PLA2G4E: variants seen among roughly 807,000 people sequenced by gnomAD.
PLA2G4E encodes cytosolic phospholipase A2 epsilon.
A neutral mutation model predicts 109.1 loss-of-function variants in PLA2G4E; 84 were observed. That is an observed-to-expected ratio of 0.77 (90% CI 0.65 to 0.92). The LOEUF (loss-of-function observed/expected upper bound fraction) is 0.92, where lower values mean the gene tolerates loss of function less well. PLA2G4E is among the 40% of genes least tolerant of loss of function. The pLI, the probability that PLA2G4E is intolerant of heterozygous loss-of-function variation, is 0.00. For synonymous variants in PLA2G4E, 469 were observed against 436.1 expected (o/e 1.08, Z -0.94); for missense variants, 1,057 against 1,076.6 (o/e 0.98, Z 0.25).
At chr15:41,981,975 G>C (rs961151609) in exon 20 of PLA2G4E, 1 of 152,194 alleles carries the variant, frequency 6.6e-6, no homozygotes, top group African/African-American at 2.4e-5. Context: ...CACGGGGGGC[G>C]CCTGGGGATG....
chr15:41,985,953 C>T, exon 18 of PLA2G4E: 1 of 1,605,750 alleles, frequency 6.2e-7, no homozygotes, highest in Non-Finnish European at 8.5e-7. Flanking sequence ...CCAGCAGGCA[C>T]AGGTGGTTCG....
intron 1 of PLA2G4E, among the ~76,000 whole-genome samples, 125 bp downstream of exon 1, chr15:42,020,810 A>G (rs1056646033): frequency 1.3e-5 from 2 of 152,110 alleles, no homozygotes; most frequent in African/African-American, 4.8e-5. Context: ...GGGATGTCCA[A>G]TGCCTACCAG....
chr15:41,986,541 A>G (rs1313916266), intron 17 of PLA2G4E, among the ~76,000 whole-genome samples: 1 of 149,912 alleles, frequency 6.7e-6, no homozygotes, highest in Non-Finnish European at 1.5e-5. Flanking sequence ...TTTTTGAGAC[A>G]GGGTCTTGCT....
chr15:42,024,802 C>T (rs2068678891), intron 1 of PLA2G4E, among the ~76,000 whole-genome samples: 3 of 152,230 alleles, frequency 2.0e-5, no homozygotes, highest in Admixed American at 2.0e-4. Context: ...ACTCTGGATT[C>T]CAATACCTTC....
At chr15:42,021,696 G>T (rs554924136) in intron 1 of PLA2G4E, among the ~76,000 whole-genome samples, 2 of 152,252 alleles carry the variant, frequency 1.3e-5, no homozygotes, top group East Asian at 3.9e-4. Context: ...GGATGCACCC[G>T]CCCCGCCCAG....
At chr15:41,985,302 C>A (rs2068122893) in intron 18 of PLA2G4E, among the ~76,000 whole-genome samples, 1 of 152,222 alleles carries the variant, frequency 6.6e-6, no homozygotes. Flanking sequence ...GTGTACACTT[C>A]ACTTCGCCTG....
At chr15:42,043,450 T>A (rs1889352671) in intron 1 of PLA2G4E, among the ~76,000 whole-genome samples, 1 of 150,872 alleles carries the variant, frequency 6.6e-6, no homozygotes, top group Non-Finnish European at 1.5e-5. Context: ...GAAACTCATC[T>A]CGTGGGGCAA....
At chr15:41,988,146 G>A (rs760753487) in exon 16 of PLA2G4E, 2 of 1,596,018 alleles carry the variant, frequency 1.3e-6, no homozygotes, top group Non-Finnish European at 1.7e-6. Context: ...AGAAGATGCT[G>A]CTCCACAGGC....
At chr15:42,006,250 G>T in intron 3 of PLA2G4E, 129 bp from the exon 4 acceptor site, 1 of 1,163,104 alleles carries the variant, frequency 8.6e-7, no homozygotes, top group Non-Finnish European at 1.2e-6. Context: ...AGAAGTCCCT[G>T]CTCAGATGTG....
chr15:42,043,999 C>G (rs1361873993), intron 1 of PLA2G4E, among the ~76,000 whole-genome samples: 2 of 152,118 alleles, frequency 1.3e-5, no homozygotes, highest in African/African-American at 4.8e-5. Context: ...CGCAAAGAAC[C>G]TCAAGGTTGG....
intron 1 of PLA2G4E, among the ~76,000 whole-genome samples, chr15:42,026,487 G>T (rs771004220): frequency 8.5e-5 from 13 of 152,152 alleles, no homozygotes; most frequent in Non-Finnish European, 1.8e-4. Flanking sequence ...ATGAAAATGA[G>T]ATTTTACTAC....
At chr15:41,989,341 A>G in intron 15 of PLA2G4E, 74 bp downstream of exon 15, 1 of 1,583,162 alleles carries the variant, frequency 6.3e-7, no homozygotes, top group East Asian at 2.2e-5. Context: ...GTGTCACATA[A>G]TCAGGGGCCA....
intron 11 of PLA2G4E, among the ~76,000 whole-genome samples, chr15:41,996,378 A>AAAAAAAAAAAAAAAAAAAAAAAAAAT (rs1555385822): frequency 8.1e-6 from 1 of 124,110 alleles, no homozygotes; most frequent in Non-Finnish European, 1.7e-5. Context: ...AAAAAAAAAA[A>AAAAAAAAAAAAAAAAAAAAAAAAAAT]AGGAGGGAGG....
chr15:42,016,640 T>TGG (rs1411399371), intron 1 of PLA2G4E, among the ~76,000 whole-genome samples: 1 of 152,154 alleles, frequency 6.6e-6, no homozygotes, highest in East Asian at 1.9e-4. Flanking sequence ...GCCTGGCCCC[T>TGG]GGGGCTTAAT....
rs1401603772 is a variant in PLA2G4E, at chr15:42,006,328, GC to G, written c.394-208del. On this transcript the variant is annotated intron_variant, in intron 3 of 19. Transcript: ENST00000399518. ...ATTCCCTCCTTTCCAACTCCCTGAA[GC>G]CTTCTTGGCCTTCTGTTCTCACTTT... The G allele has an allele frequency of 1.4e-4, 67 of 464,840 alleles. No individual in the cohort carries two copies. In the East Asian group the frequency reaches 2.3e-3, roughly 16 times the overall value. The allele number at this position is 464,840 out of a possible 1,614,324, so 28.8% of individuals were successfully genotyped here. A position where few individuals can be genotyped will look rare whatever the true frequency, so the allele number is the denominator to read the frequency against.
chr15:41,986,642 A>G (rs1225988813), intron 17 of PLA2G4E, among the ~76,000 whole-genome samples: 1 of 151,584 alleles, frequency 6.6e-6, no homozygotes, highest in African/African-American at 2.4e-5. Flanking sequence ...CTCAGCCCCC[A>G]AGTAGCTGGG....
Position 42,010,137 on chromosome 15 carries a change from CCCA to C in PLA2G4E, c.257-2275_257-2273del, listed in dbSNP as rs778466341. On this transcript the variant is annotated intron_variant, in intron 2 of 19. Transcript: ENST00000399518. ...TTGGCTTTTCCAGAACACTGGCCCC[CCCA>C]CCCCGGGCCTGGACCACACCCTTCA... 1.3e-5 allele frequency: 6 copies of C among 474,452 alleles called. 2 individuals carry two copies. The highest frequency in any genetic ancestry group is 2.1e-5 in the Non-Finnish European group (5 of 237,534). The allele number at this position is 474,452 out of a possible 1,614,324, so 29.4% of individuals were successfully genotyped here. A position where few individuals can be genotyped will look rare whatever the true frequency, so the allele number is the denominator to read the frequency against.
At chr15:41,994,153 C>G (rs527485896) in intron 12 of PLA2G4E, among the ~76,000 whole-genome samples, 1 of 152,358 alleles carries the variant, frequency 6.6e-6, no homozygotes, top group Non-Finnish European at 1.5e-5. Context: ...GCAAATTACT[C>G]TGTTTCTCCA....
At chr15:42,007,572 G>C (rs1166611355) in intron 3 of PLA2G4E, among the ~76,000 whole-genome samples, 157 bp downstream of exon 3, 1 of 152,186 alleles carries the variant, frequency 6.6e-6, no homozygotes, top group Non-Finnish European at 1.5e-5. Flanking sequence ...GCAGAAGGAA[G>C]TAGTGGGTGT....
Sources: allele counts gnomAD v4.1 joint callset (sites outside exome capture counted in the v4.1 genomes callset), GRCh38; gene constraint gnomAD v4.1.1; transcripts MANE v1.5; gene names NCBI Gene and HGNC (gene_info 2026-07-23, HGNC 2026-07-21).